FBXO41: variants seen among roughly 807,000 people sequenced by gnomAD.
FBXO41 encodes the protein F-box only protein 41.
A neutral mutation model predicts 81.6 loss-of-function variants in FBXO41; 33 were observed. The ratio of observed to expected loss-of-function variants is 0.40; its 90% confidence interval spans 0.31 to 0.54. The LOEUF is 0.54. Among genes scored for constraint, FBXO41 ranks in the 20% least tolerant of loss-of-function variants. The pLI is 0.39. For synonymous variants in FBXO41, 576 were observed against 552.7 expected, an observed-to-expected ratio of 1.04 and a Z score of -0.59; for missense variants, 1,107 against 1,236.0, an observed-to-expected ratio of 0.90 and a Z score of 1.56.
intron 1 of FBXO41, among the ~76,000 whole-genome samples, chr2:73,278,245 G>A (rs1049806775): frequency 6.6e-6 from 1 of 152,212 alleles, no homozygotes; most frequent in Non-Finnish European, 1.5e-5. Context: ...GCCAAGAGCT[G>A]TAAAGTCCTC....
Position 73,255,544 on chromosome 2 carries a change from C to A in FBXO41, c.*3438G>T, listed in dbSNP as rs1018061131. ...CAGGCTGGGACAGGTCCCATGGGTT[C>A]GAGTTAACTTCTCTGGGCATTTGGG... On this transcript the variant is annotated 3_prime_UTR_variant, in exon 13 of 13. Transcript: ENST00000520530. The A allele has an allele frequency of 6.6e-6, 1 of 152,630 alleles. No homozygotes were observed. Among genetic ancestry groups the A allele is most frequent in the Non-Finnish European group, 1.5e-5 (1 of 68,056 alleles). The allele number at this position is 152,630 out of a possible 1,614,324, so 9.5% of individuals were successfully genotyped here.
intron 1 of FBXO41, chr2:73,270,710 C>G: frequency 2.1e-6 from 1 of 484,582 alleles, no homozygotes; most frequent in Non-Finnish European, 4.2e-6. Context: ...CCCTCCATCC[C>G]CCCACCAATT....
At chr2:73,277,235 T>C (rs1688724110) in intron 1 of FBXO41, among the ~76,000 whole-genome samples, 1 of 152,210 alleles carries the variant, frequency 6.6e-6, no homozygotes, top group African/African-American at 2.4e-5. Flanking sequence ...TTGCCCTCCA[T>C]CTGCTGGAGC....
rs1469499183 is a variant in FBXO41, at chr2:73,258,627, C to G, written c.*355G>C. Reference sequence around the variant, plus strand: ...GAGGCTGGGCCTCAGGAAGGAGAGGCCAGCCAGAACAGCTGAGGAGCCACT... The same window carrying G: ...GAGGCTGGGCCTCAGGAAGGAGAGGGCAGCCAGAACAGCTGAGGAGCCACT... On this transcript the variant is annotated 3_prime_UTR_variant, in exon 13 of 13. Coordinates refer to ENST00000520530, the MANE Select transcript of FBXO41 (RefSeq NM_001371389.2). The G allele has an allele frequency of 7.8e-6, 2 of 256,846 alleles. No individual in the cohort carries two copies. The highest frequency in any genetic ancestry group is 4.4e-5 in the African/African-American group (2 of 45,250). 15.9% of individuals were successfully genotyped at this position (256,846 alleles called of 1,614,324 possible). A position where few individuals can be genotyped will look rare whatever the true frequency, so the allele number is the denominator to read the frequency against.
In FBXO41 at chr2:73,256,320, C is replaced by CA. The variant is rs138990179; in HGVS notation, c.*2661dup. 5 of 152,200 alleles carry CA rather than the reference C, an allele frequency of 3.3e-5. No homozygotes were observed. The highest frequency in any genetic ancestry group is 7.2e-5 in the African/African-American group (3 of 41,414). 9.4% of individuals were successfully genotyped at this position (152,200 alleles called of 1,614,324 possible). On this transcript the variant is annotated 3_prime_UTR_variant, in exon 13 of 13. Transcript: ENST00000520530. ...TCCTCAGCCCTAGCTGTATGGTCAC[C>CA]AAAAAAATCCATGCATAGAGCCTCC...
chr2:73,260,489 C>T lies in FBXO41; in HGVS notation c.2349G>A (p.Gln783=), dbSNP rs779445655. 1.9e-5 allele frequency: 31 copies of T among 1,603,734 alleles called. No individual in the cohort carries two copies. Among genetic ancestry groups the T allele is most frequent in the Non-Finnish European group, 2.6e-5 (30 of 1,175,388 alleles). ...LELDHVSEIT[Q]EVAAEVCREG... ...CCCGGCAGACCTCTGCTGCCACCTCCTGGGTGATCTCTGACACGTGGTCAA... is the reference window on the plus strand; with the variant it reads ...CCCGGCAGACCTCTGCTGCCACCTCTTGGGTGATCTCTGACACGTGGTCAA... The change falls in exon 11 of 13, where the codon CAG becomes CAA. Residue 783 remains glutamine, a synonymous_variant. Coordinates refer to ENST00000520530, the MANE Select transcript of FBXO41 (RefSeq NM_001371389.2). The surrounding 1 kb of genome is among the most constrained non-coding windows in gnomAD (Gnocchi z 5.0).
Position 73,260,696 on chromosome 2 carries a change from C to A in FBXO41, c.2290+44G>T. 1 of 1,515,116 alleles carries A rather than the reference C, an allele frequency of 6.6e-7. No individual in the cohort carries two copies. The highest frequency in any genetic ancestry group is 8.9e-7 in the Non-Finnish European group (1 of 1,122,502). The allele number at this position is 1,515,116 out of a possible 1,614,324, so 93.9% of individuals were successfully genotyped here. A position where few individuals can be genotyped will look rare whatever the true frequency, so the allele number is the denominator to read the frequency against. ...TTCACAAGGCAGCACTGCACCCATG[C>A]CTGCTTCCCACTACCCACCACCCCA... On this transcript the variant is annotated intron_variant, in intron 10 of 12. Transcript: ENST00000520530. This position sits in a 1 kb window ranked among gnomAD's most constrained non-coding sequence, Gnocchi z 5.0.
chr2:73,274,033 T>C (rs1284450618), intron 1 of FBXO41, among the ~76,000 whole-genome samples: 1 of 152,222 alleles, frequency 6.6e-6, no homozygotes, highest in Non-Finnish European at 1.5e-5. Flanking sequence ...CTTTGTACTC[T>C]TCCAGGCCAC....
chr2:73,276,615 A>T (rs1688697643), intron 1 of FBXO41, among the ~76,000 whole-genome samples: 1 of 88,776 alleles, frequency 1.1e-5, no homozygotes, highest in African/African-American at 8.4e-5. Flanking sequence ...GGAGAGAGGG[A>T]GAGAGGGAGA....
rs1687855321 is a variant in FBXO41, at chr2:73,257,405, G to C, written c.*1577C>G. ...GCTGCGCCCATGGGATCCCAGCTCT[G>C]GAGGACTCTTTACAAGGTAACCTGG... On this transcript the variant is annotated 3_prime_UTR_variant, in exon 13 of 13. Coordinates refer to ENST00000520530, the MANE Select transcript of FBXO41 (RefSeq NM_001371389.2). The surrounding 1 kb of genome is among the most constrained non-coding windows in gnomAD (Gnocchi z 4.6). The C allele has an allele frequency of 6.6e-6, 1 of 152,210 alleles. No homozygotes were observed. Among genetic ancestry groups the C allele is most frequent in the Non-Finnish European group, 1.5e-5 (1 of 68,054 alleles). 9.4% of individuals were successfully genotyped at this position (152,210 alleles called of 1,614,324 possible).
Position 73,260,441 on chromosome 2 carries a change from C to T in FBXO41, c.2397G>A (p.Met799Ile). Residue 799 changes from methionine (M) to isoleucine (I), a missense_variant, in exon 11 of 13, where the codon ATG becomes ATA. Transcript: ENST00000520530. The surrounding 1 kb of genome is among the most constrained non-coding windows in gnomAD (Gnocchi z 5.0). Reference protein sequence around the residue: ...VCREGLKGLEMLVLTATPVTP... With the variant: ...VCREGLKGLEILVLTATPVTP... ...TGACGGGAGTCGCCGTGAGCACCAG[C>T]ATCTCCAGTCCCTTCAGGCCTTCCC... The T allele has an allele frequency of 6.2e-7, 1 of 1,610,064 alleles. No individual in the cohort carries two copies. Among genetic ancestry groups the T allele is most frequent in the Non-Finnish European group, 8.5e-7 (1 of 1,178,314 alleles).
rs1429736170 is a variant in FBXO41, at chr2:73,259,114, C to G, written c.2565+67G>C. On this transcript the variant is annotated intron_variant, in intron 12 of 12. Transcript: ENST00000520530. The surrounding 1 kb of genome is among the most constrained non-coding windows in gnomAD (Gnocchi z 4.2). Reference sequence around the variant, plus strand: ...GTGGGGCCCTCCTGCCACACTCACCCAGGTCACCAGCCCCAGTCTAGGGAT... The same window carrying G: ...GTGGGGCCCTCCTGCCACACTCACCGAGGTCACCAGCCCCAGTCTAGGGAT... 1.2e-6 allele frequency: 2 copies of G among 1,610,398 alleles called. No homozygotes were observed. The highest frequency in any genetic ancestry group is 4.5e-5 in the East Asian group (2 of 44,784).
chr2:73,276,560 CAGAGAGAGAGAGAGAGAGAG>C (rs533998261), intron 1 of FBXO41, among the ~76,000 whole-genome samples: 5 of 106,418 alleles, frequency 4.7e-5, no homozygotes, highest in South Asian at 3.5e-4. Flanking sequence ...CAAATCTATT[CAGAGAGAGAGAGAGAGAGAG>C]AGAGAGAGAG....
intron 1 of FBXO41, chr2:73,271,460 G>A (rs1688487606): frequency 1.3e-5 from 2 of 153,674 alleles, no homozygotes; most frequent in Admixed American, 6.5e-5. Flanking sequence ...TAAGCTGATG[G>A]AGAAGGCCAG....
Position 73,265,617 on chromosome 2 carries a change from G to T in FBXO41, c.1229C>A (p.Ala410Glu). ...STGASSRVPA[A>E]SQSSGCYDSD... is the part of the protein sequence containing the mutation. ...GTCATAGCAGCCTGAGCTCTGGGAT[G>T]CGGCTGGCACACGGCTGGAGGCCCT... The change falls in exon 5 of 13, where the codon GCA (alanine) becomes GAA (glutamate). Residue 410 changes from alanine to glutamate, a missense_variant. Coordinates refer to ENST00000520530, the MANE Select transcript of FBXO41 (RefSeq NM_001371389.2). 6.6e-7 allele frequency: 1 copy of T among 1,521,196 alleles called. No individual in the cohort carries two copies. Among genetic ancestry groups the T allele is most frequent in the Non-Finnish European group, 8.8e-7 (1 of 1,135,808 alleles). The allele number at this position is 1,521,196 out of a possible 1,614,324, so 94.2% of individuals were successfully genotyped here. A position where few individuals can be genotyped will look rare whatever the true frequency, so the allele number is the denominator to read the frequency against.
intron 2 of FBXO41, among the ~76,000 whole-genome samples, chr2:73,268,434 G>C (rs949808257): frequency 6.6e-6 from 1 of 152,134 alleles, no homozygotes; most frequent in Non-Finnish European, 1.5e-5. Context: ...CTATATCTTT[G>C]GCTAGGCAAA....
chr2:73,264,223 C>A (rs1179503850), intron 6 of FBXO41, 55 bp downstream of exon 6: 1 of 1,609,268 alleles, frequency 6.2e-7, no homozygotes, highest in Non-Finnish European at 8.5e-7. Flanking sequence ...CAGATTCTAC[C>A]CAGGGGGAAA....
chr2:73,263,543 G>T, intron 8 of FBXO41, 135 bp downstream of exon 8: 1 of 1,176,680 alleles, frequency 8.5e-7, no homozygotes, highest in Non-Finnish European at 1.2e-6. Context: ...TCTTGCCAAG[G>T]CTTCCTTTCC....
intron 5 of FBXO41, 66 bp downstream of exon 5, chr2:73,265,216 G>T (rs1688199704): frequency 2.1e-6 from 3 of 1,427,164 alleles, no homozygotes; most frequent in African/African-American, 2.8e-5. Flanking sequence ...GGGGAGGGGG[G>T]TGCAGGAGCC....
Sources: allele counts gnomAD v4.1 joint callset (sites outside exome capture counted in the v4.1 genomes callset), GRCh38; gene constraint gnomAD v4.1.1; non-coding constraint Gnocchi (gnomAD v3.1); transcripts MANE v1.5; gene names NCBI Gene and HGNC (gene_info 2026-07-23, HGNC 2026-07-21).